Variants in TRPC4 observed in about 807,000 individuals in gnomAD.
TRPC4 encodes transient receptor potential cation channel subfamily C member 4, also known as short transient receptor potential channel 4.
TRPC4 carries 49 observed loss-of-function variants against 99.4 expected under a neutral mutation model. That is an observed-to-expected ratio of 0.49 (90% CI 0.39 to 0.63). TRPC4 has a LOEUF of 0.63. Ranked by LOEUF, TRPC4 falls within the 20% of genes least tolerant of loss-of-function variation. TRPC4 has a pLI of 0.00. For synonymous variants in TRPC4, 454 were observed against 425.9 expected, an observed-to-expected ratio of 1.07 and a Z score of -0.81; for missense variants, 898 against 1,152.9, an observed-to-expected ratio of 0.78 and a Z score of 3.20.
intron 1 of TRPC4, among the ~76,000 whole-genome samples, chr13:37,803,069 A>G (rs183291056): frequency 3.5e-4 from 53 of 151,888 alleles, no homozygotes; most frequent in Non-Finnish European, 6.9e-4. Flanking sequence ...TGTTTCTTTT[A>G]TTGCCCAAAC....
At chr13:37,832,779 G>A (rs531921601) in intron 1 of TRPC4, among the ~76,000 whole-genome samples, 86 of 152,180 alleles carry the variant, frequency 5.7e-4, no homozygotes, top group Admixed American at 3.3e-4. Context: ...CAAAATATAT[G>A]CTTTAAATGT....
intron 1 of TRPC4, among the ~76,000 whole-genome samples, chr13:37,858,183 A>C (rs1238074918): frequency 6.6e-6 from 1 of 151,802 alleles, no homozygotes; most frequent in Non-Finnish European, 1.5e-5. Flanking sequence ...ATTATTGACC[A>C]TAAGAGAAAT....
intron 1 of TRPC4, among the ~76,000 whole-genome samples, chr13:37,812,068 A>T (rs2139480252): frequency 6.7e-6 from 1 of 149,840 alleles, no homozygotes; most frequent in African/African-American, 2.4e-5. Context: ...AGTCCCAACT[A>T]CTTGGGAGGC....
chr13:37,651,047 A>C (rs534530542), intron 8 of TRPC4, among the ~76,000 whole-genome samples: 9 of 152,278 alleles, frequency 5.9e-5, no homozygotes, highest in South Asian at 4.1e-4. Flanking sequence ...ACTTCTATTA[A>C]AATAGTAGTG....
chr13:37,853,183 C>G, intron 1 of TRPC4, among the ~76,000 whole-genome samples: 1 of 152,196 alleles, frequency 6.6e-6, no homozygotes, highest in East Asian at 1.9e-4. Context: ...TCAGTCCCAA[C>G]AAAGTCTAGT....
intron 4 of TRPC4, among the ~76,000 whole-genome samples, chr13:37,676,520 G>A (rs1216534972): frequency 6.6e-6 from 1 of 151,826 alleles, no homozygotes; most frequent in Admixed American, 6.6e-5. Flanking sequence ...CTACAGGCAC[G>A]CACTACCCCA....
intron 4 of TRPC4, among the ~76,000 whole-genome samples, chr13:37,677,137 A>G (rs187901410): frequency 2.6e-5 from 4 of 152,132 alleles, no homozygotes; most frequent in Non-Finnish European, 4.4e-5. Flanking sequence ...GCAGAATAAT[A>G]TTTTTGAAGT....
chr13:37,830,383 TTTATTATTTAATA>T (rs1181317931), intron 1 of TRPC4, among the ~76,000 whole-genome samples: 1 of 152,078 alleles, frequency 6.6e-6, no homozygotes, highest in Non-Finnish European at 1.5e-5. Flanking sequence ...GTTGTTATTA[TTTATTATTTAATA>T]TTATTTAAAT....
chr13:37,803,295 G>C (rs920165567), intron 1 of TRPC4, among the ~76,000 whole-genome samples: 2 of 152,020 alleles, frequency 1.3e-5, no homozygotes, highest in Non-Finnish European at 2.9e-5. Context: ...TGGTGTTTAG[G>C]AATCAATATC....
intron 3 of TRPC4, among the ~76,000 whole-genome samples, chr13:37,719,529 T>G (rs1012372474): frequency 1.3e-5 from 2 of 151,820 alleles, no homozygotes; most frequent in African/African-American, 4.8e-5. Context: ...AAAAGGCAAA[T>G]AGGTATATAA....
rs769331202 is a variant in TRPC4 at position 37,637,153 on chromosome 13, C to T, written c.2684G>A (p.Gly895Asp). ...QLESRGLASRGDLSIPGLSEQ... is the reference protein window; with the variant it reads ...QLESRGLASRDDLSIPGLSEQ... ...ACTGAGACCGGGAATGCTCAGGTCA[C>T]CCCGTGAAGCTAATCCTCGAGATTC... Residue 895 changes from glycine (G) to aspartate (D), a missense_variant, in exon 11 of 11, where the codon GGT (glycine) becomes GAT (aspartate). Gly to Asp is a moderately conservative substitution (Grantham distance 94). Transcript: ENST00000379705. 24 of 1,613,692 alleles carry T rather than the reference C, an allele frequency of 1.5e-5. No homozygotes were observed. The highest frequency in any genetic ancestry group is 2.2e-5 in the East Asian group (1 of 44,894).
At chr13:37,644,652 C>T (rs760824582) in intron 8 of TRPC4, among the ~76,000 whole-genome samples, 1 of 151,852 alleles carries the variant, frequency 6.6e-6, no homozygotes, top group Non-Finnish European at 1.5e-5. Context: ...GGGTGGATCA[C>T]GAGGTCAGGA....
chr13:37,759,548 T>C (rs537320956), intron 2 of TRPC4, among the ~76,000 whole-genome samples: 2 of 151,798 alleles, frequency 1.3e-5, no homozygotes, highest in African/African-American at 2.4e-5. Context: ...AAAAATCTTA[T>C]AAGCAATCCA....
At chr13:37,768,800 C>T (rs1292778907) in intron 2 of TRPC4, among the ~76,000 whole-genome samples, 5 of 151,320 alleles carry the variant, frequency 3.3e-5, no homozygotes, top group African/African-American at 9.7e-5. Context: ...GGAGCTAAAT[C>T]CTAGGAAGAA....
chr13:37,812,197 C>CAAAAAAAAAAAAAA (rs1156963631), intron 1 of TRPC4, among the ~76,000 whole-genome samples: 74 of 111,170 alleles, frequency 6.7e-4, no homozygotes, highest in African/African-American at 1.3e-3. Flanking sequence ...AAAAAAAAAC[C>CAAAAAAAAAAAAAA]AGGAGATCTA....
intron 1 of TRPC4, among the ~76,000 whole-genome samples, chr13:37,805,736 T>C (rs1957513608): frequency 6.6e-6 from 1 of 152,056 alleles, no homozygotes; most frequent in Non-Finnish European, 1.5e-5. Flanking sequence ...TCAAGGGCCT[T>C]GTACTTTAGA....
intron 2 of TRPC4, among the ~76,000 whole-genome samples, chr13:37,774,410 AC>A (rs1241153854): frequency 1.3e-5 from 2 of 151,830 alleles, no homozygotes; most frequent in East Asian, 3.9e-4. Context: ...TGATTAAAAA[AC>A]GAGTGTATAA....
At chr13:37,792,041 A>G (rs1201807807) in intron 1 of TRPC4, among the ~76,000 whole-genome samples, 1 of 152,156 alleles carries the variant, frequency 6.6e-6, no homozygotes, top group African/African-American at 2.4e-5. Context: ...GCTTTGTGTG[A>G]GGTAATAACA....
chr13:37,757,123 A>G (rs1042810634), intron 2 of TRPC4, among the ~76,000 whole-genome samples: 1 of 152,026 alleles, frequency 6.6e-6, no homozygotes, highest in Admixed American at 6.6e-5. Flanking sequence ...ATGAATGCCT[A>G]TTAGTACATT....
Sources: allele counts gnomAD v4.1 joint callset (sites outside exome capture counted in the v4.1 genomes callset), GRCh38; gene constraint gnomAD v4.1.1; transcripts MANE v1.5; gene names NCBI Gene and HGNC (gene_info 2026-07-23, HGNC 2026-07-21).